The following GTF2E2 variants were observed in gnomAD, a reference collection of about 807,000 sequenced individuals.
The protein encoded by GTF2E2 is general transcription factor IIE subunit 2.
In GTF2E2, 21 loss-of-function variants were observed where a neutral mutation model predicts 40.5. The observed-to-expected ratio is 0.52, with a 90% CI of 0.37 to 0.75. The LOEUF (loss-of-function observed/expected upper bound fraction) is 0.75. Among genes scored for constraint, GTF2E2 ranks in the 30% least tolerant of loss-of-function variants. The pLI is 0.00. For synonymous variants in GTF2E2, 117 were observed against 121.6 expected, an observed-to-expected ratio of 0.96 and a Z score of 0.25; for missense variants, 298 against 338.4, an observed-to-expected ratio of 0.88 and a Z score of 0.94.
At chr8:30,647,514 G>C (rs1395189805) in intron 2 of GTF2E2, among the ~76,000 whole-genome samples, 1 of 152,204 alleles carries the variant, frequency 6.6e-6, no homozygotes, top group Non-Finnish European at 1.5e-5. Context: ...CTGGGAGGCA[G>C]AGGTTGCAGT....
chr8:30,631,074 C>G (rs1427934186), intron 3 of GTF2E2, among the ~76,000 whole-genome samples: 1 of 152,016 alleles, frequency 6.6e-6, no homozygotes, highest in Non-Finnish European at 1.5e-5. Flanking sequence ...GTCGCCCAGG[C>G]TGGAGTACAG....
At chr8:30,579,608 C>T (rs1019324442) in intron 7 of GTF2E2, among the ~76,000 whole-genome samples, 5 of 152,110 alleles carry the variant, frequency 3.3e-5, no homozygotes. Flanking sequence ...ACCAAACACA[C>T]ATGCCCACCC....
chr8:30,654,258 C>T (rs1291545796), intron 1 of GTF2E2, among the ~76,000 whole-genome samples: 1 of 151,756 alleles, frequency 6.6e-6, no homozygotes, highest in African/African-American at 2.4e-5. Flanking sequence ...CACAAGATTT[C>T]AAAGATTTAG....
At chr8:30,651,849 G>A (rs1022766075) in intron 2 of GTF2E2, among the ~76,000 whole-genome samples, 6 of 152,124 alleles carry the variant, frequency 3.9e-5, no homozygotes, top group African/African-American at 1.4e-4. Flanking sequence ...GCACTCAAGA[G>A]AAATGATACT....
chr8:30,628,222 T>C (rs930145844), intron 3 of GTF2E2, among the ~76,000 whole-genome samples: 3 of 152,212 alleles, frequency 2.0e-5, no homozygotes, highest in Admixed American at 6.5e-5. Context: ...AGTTGCCTAC[T>C]TTGATCAGGT....
At chr8:30,650,321 G>A (rs1802229128) in intron 2 of GTF2E2, among the ~76,000 whole-genome samples, 1 of 152,096 alleles carries the variant, frequency 6.6e-6, no homozygotes, top group East Asian at 1.9e-4. Context: ...CATATTAATA[G>A]ACTAAAGAGT....
intron 1 of GTF2E2, among the ~76,000 whole-genome samples, chr8:30,654,841 G>C (rs781606847): frequency 3.9e-5 from 6 of 152,206 alleles, no homozygotes; most frequent in African/African-American, 1.4e-4. Context: ...TGCAAAAAAA[G>C]AGAACCATCA....
chr8:30,584,789 A>G (rs911010582), intron 6 of GTF2E2: 1 of 152,220 alleles, frequency 6.6e-6, no homozygotes. Flanking sequence ...CAGGCCTCAG[A>G]GCCAGATGGC....
At chr8:30,624,096 T>C (rs1661664555) in intron 3 of GTF2E2, among the ~76,000 whole-genome samples, 1 of 152,160 alleles carries the variant, frequency 6.6e-6, no homozygotes, top group Non-Finnish European at 1.5e-5. Context: ...CATGCCTATG[T>C]CCTGAATAGT....
intron 3 of GTF2E2, among the ~76,000 whole-genome samples, chr8:30,618,173 C>G (rs978271918): frequency 6.8e-6 from 1 of 146,518 alleles, no homozygotes; most frequent in African/African-American, 2.5e-5. Flanking sequence ...GGCACATGCC[C>G]GTAATCCCAG....
chr8:30,645,518 T>G, intron 2 of GTF2E2: 1 of 1,535,592 alleles, frequency 6.5e-7, no homozygotes, highest in Non-Finnish European at 8.7e-7. Context: ...AACAAAACCG[T>G]GAAAGACTTG....
At chr8:30,634,723 G>A (rs1364106026) in intron 3 of GTF2E2, among the ~76,000 whole-genome samples, 1 of 152,072 alleles carries the variant, frequency 6.6e-6, no homozygotes, top group Non-Finnish European at 1.5e-5. Context: ...CATTGGTTTT[G>A]CCAGCCTGTA....
chr8:30,609,382 G>A (rs1829419595), intron 5 of GTF2E2, among the ~76,000 whole-genome samples: 1 of 150,976 alleles, frequency 6.6e-6, no homozygotes, highest in Non-Finnish European at 1.5e-5. Context: ...CCCAAAATTT[G>A]AAAAAAATCC....
chr8:30,638,913 A>G (rs909341573), intron 2 of GTF2E2, among the ~76,000 whole-genome samples: 1 of 152,146 alleles, frequency 6.6e-6, no homozygotes, highest in Admixed American at 6.5e-5. Context: ...AGTAAACCAT[A>G]GCTTTTTATT....
At chr8:30,634,596 T>C (rs1801530504) in intron 3 of GTF2E2, among the ~76,000 whole-genome samples, 1 of 152,168 alleles carries the variant, frequency 6.6e-6, no homozygotes, top group South Asian at 2.1e-4. Flanking sequence ...TCTCAGTAAA[T>C]GTCTAATTTT....
chr8:30,590,079 C>T (rs114354897), intron 6 of GTF2E2, among the ~76,000 whole-genome samples: 1,737 of 152,288 alleles, frequency 0.011, 27 homozygotes, highest in African/African-American at 0.038. Flanking sequence ...TCCACAACCG[C>T]AAATCACCCT....
intron 2 of GTF2E2, chr8:30,645,381 T>C: frequency 6.5e-7 from 1 of 1,535,730 alleles, no homozygotes; most frequent in South Asian, 1.2e-5. Flanking sequence ...TTCAAAAAAT[T>C]TACCCTTTCC....
chr8:30,606,380 A>G (rs767845583), intron 6 of GTF2E2, among the ~76,000 whole-genome samples: 3 of 152,210 alleles, frequency 2.0e-5, no homozygotes, highest in Non-Finnish European at 4.4e-5. Flanking sequence ...AATTAAATTG[A>G]TGTCCAATTA....
intron 2 of GTF2E2, among the ~76,000 whole-genome samples, chr8:30,640,727 C>T (rs1247210552): frequency 1.3e-5 from 2 of 152,086 alleles, no homozygotes; most frequent in East Asian, 1.9e-4. Flanking sequence ...GGCGGGGGGA[C>T]GGAGTCTCAC....
Sources: gnomAD v4.1 joint callset for allele counts (sites outside exome capture counted in the v4.1 genomes callset) on GRCh38, gnomAD v4.1.1 for gene constraint, MANE v1.5 for transcripts, NCBI Gene and HGNC (gene_info 2026-07-23, HGNC 2026-07-21) for gene names.